The following SHISA9 variants were observed in gnomAD, a reference collection of about 807,000 sequenced individuals.
SHISA9 encodes protein shisa-9.
Under a neutral mutation model 38.0 loss-of-function variants are expected in SHISA9, and 13 were observed. The ratio of observed to expected loss-of-function variants is 0.34; its 90% CI spans 0.22 to 0.54. The LOEUF is 0.54. Ranked by LOEUF, SHISA9 falls within the 20% of genes least tolerant of loss-of-function variation. The pLI is 0.91. For synonymous variants in SHISA9, 275 were observed against 242.0 expected, an observed-to-expected ratio of 1.14 and a Z score of -1.27; for missense variants, 538 against 575.8, an observed-to-expected ratio of 0.93 and a Z score of 0.67.
At chr16:13,277,882 C>T in the SHISA9 span, among the ~76,000 whole-genome samples, 1 of 152,010 alleles carries the variant, frequency 6.6e-6, no homozygotes, top group Non-Finnish European at 1.5e-5. Flanking sequence ...TTAACGTCCT[C>T]TTTACTGATT....
chr16:12,941,311 A>T (rs1039619834), intron 2 of SHISA9, among the ~76,000 whole-genome samples: 1 of 152,196 alleles, frequency 6.6e-6, no homozygotes, highest in African/African-American at 2.4e-5. Flanking sequence ...AGATCATGCC[A>T]CTGCTCTCCA....
chr16:13,414,570 C>T, the SHISA9 span, among the ~76,000 whole-genome samples: 8 of 151,856 alleles, frequency 5.3e-5, no homozygotes, highest in South Asian at 2.1e-4. Flanking sequence ...AGCTAGGAAG[C>T]GGACATGTAG....
chr16:13,125,149 C>G (rs1174410826), intron 2 of SHISA9, among the ~76,000 whole-genome samples: 1 of 151,992 alleles, frequency 6.6e-6, no homozygotes, highest in Non-Finnish European at 1.5e-5. Flanking sequence ...TTCTGCATAA[C>G]AAAGGAAACA....
At chr16:12,917,677 A>G (rs2071275731) in intron 2 of SHISA9, among the ~76,000 whole-genome samples, 1 of 141,860 alleles carries the variant, frequency 7.0e-6, no homozygotes, top group East Asian at 1.9e-4. Context: ...TATGTTTTCA[A>G]GTAACCCCCA....
chr16:13,541,899 A>C, the SHISA9 span, among the ~76,000 whole-genome samples: 1 of 152,220 alleles, frequency 6.6e-6, no homozygotes, highest in East Asian at 1.9e-4. Context: ...TACTGGGTCG[A>C]ATGCTGCCCC....
At chr16:13,459,012 C>T in the SHISA9 span, among the ~76,000 whole-genome samples, 1 of 151,950 alleles carries the variant, frequency 6.6e-6, no homozygotes, top group African/African-American at 2.4e-5. Flanking sequence ...ACCACCACGC[C>T]TGGCTAATTT....
the SHISA9 span, among the ~76,000 whole-genome samples, chr16:13,497,721 G>C: frequency 1.9e-3 from 280 of 149,888 alleles, no homozygotes; most frequent in African/African-American, 6.4e-3. Flanking sequence ...AAAAAGAAGA[G>C]GACAAATTAA....
At chr16:13,410,849 G>A in the SHISA9 span, among the ~76,000 whole-genome samples, 6 of 152,236 alleles carry the variant, frequency 3.9e-5, no homozygotes, top group East Asian at 5.8e-4. Context: ...GGAGGGAGAC[G>A]GAAATTGACC....
At chr16:13,259,857 T>G in the SHISA9 span, among the ~76,000 whole-genome samples, 2 of 152,188 alleles carry the variant, frequency 1.3e-5, no homozygotes, top group East Asian at 3.9e-4. Flanking sequence ...GGGCCTGTGA[T>G]AGAAGAAGCT....
At chr16:13,066,676 G>A (rs1445934411) in intron 2 of SHISA9, among the ~76,000 whole-genome samples, 9 of 152,332 alleles carry the variant, frequency 5.9e-5, no homozygotes, top group South Asian at 2.1e-4. Context: ...AGAATTAAAC[G>A]TGTAATGAAT....
chr16:13,522,009 A>G, the SHISA9 span, among the ~76,000 whole-genome samples: 1 of 152,226 alleles, frequency 6.6e-6, no homozygotes, highest in Non-Finnish European at 1.5e-5. Context: ...TCTGTGGTCC[A>G]GAAACGGAAC....
At chr16:13,387,374 G>A in the SHISA9 span, among the ~76,000 whole-genome samples, 1 of 152,134 alleles carries the variant, frequency 6.6e-6, no homozygotes, top group East Asian at 1.9e-4. Flanking sequence ...GAGACAGACA[G>A]GGAGAACATC....
the SHISA9 span, among the ~76,000 whole-genome samples, chr16:13,358,083 G>A: frequency 1.3e-5 from 2 of 152,006 alleles, no homozygotes; most frequent in South Asian, 2.1e-4. Context: ...TGATGGGTAC[G>A]GCCTCCCTTG....
At chr16:12,916,627 G>T (rs1421416805) in intron 1 of SHISA9, 61 bp from the exon 2 acceptor site, 2 of 1,523,270 alleles carry the variant, frequency 1.3e-6, no homozygotes, top group Non-Finnish European at 1.8e-6. Context: ...AGTACTCGGC[G>T]CATAGCAGCT....
intron 2 of SHISA9, among the ~76,000 whole-genome samples, chr16:12,947,223 A>G (rs1198843084): frequency 6.6e-6 from 1 of 152,216 alleles, no homozygotes; most frequent in African/African-American, 2.4e-5. Context: ...AGAAGCAAGT[A>G]TACCTGGAAA....
At chr16:13,533,697 A>G in the SHISA9 span, among the ~76,000 whole-genome samples, 4 of 151,580 alleles carry the variant, frequency 2.6e-5, no homozygotes, top group South Asian at 8.4e-4. Flanking sequence ...CACTGCTTCA[A>G]TTGTCCCCCA....
chr16:13,167,731 C>G (rs1455334426), intron 2 of SHISA9, among the ~76,000 whole-genome samples: 1 of 152,168 alleles, frequency 6.6e-6, no homozygotes, highest in Non-Finnish European at 1.5e-5. Flanking sequence ...TTCCCTTCGC[C>G]TTCCGCCATG....
At chr16:12,929,516 ATCC>A (rs1234867030) in intron 2 of SHISA9, among the ~76,000 whole-genome samples, 1 of 152,186 alleles carries the variant, frequency 6.6e-6, no homozygotes, top group Non-Finnish European at 1.5e-5. Flanking sequence ...GGAAGCCATT[ATCC>A]TCAGCAAACC....
chr16:13,237,171 A>C lies in SHISA9; in HGVS notation c.*1762A>C, dbSNP rs577018630. The C allele has an allele frequency of 2.6e-4, 39 of 152,310 alleles. No homozygotes were observed. The highest frequency in any genetic ancestry group is 8.7e-4 in the African/African-American group (36 of 41,550). The allele number at this position is 152,310 out of a possible 1,614,324, so 9.4% of individuals were successfully genotyped here. A position where few individuals can be genotyped will look rare whatever the true frequency, so the allele number is the denominator to read the frequency against. ...GTATTTTCTGAAATCCTGAGCTGCA[A>C]GGTTCTGCCTCACCTGTCTCTCCAC... On this transcript the variant is annotated 3_prime_UTR_variant, in exon 5 of 5. Coordinates refer to ENST00000558583, the MANE Select transcript of SHISA9 (RefSeq NM_001145204.3).
Sources: gnomAD v4.1 joint callset for allele counts (sites outside exome capture counted in the v4.1 genomes callset) on GRCh38, gnomAD v4.1.1 for gene constraint, MANE v1.5 for transcripts, NCBI Gene and HGNC (gene_info 2026-07-23, HGNC 2026-07-21) for gene names.